The following ZNF740 variants were observed in gnomAD, a reference collection of about 807,000 sequenced individuals.
ZNF740 encodes the protein oriLyt TD-element-binding protein 7.
ZNF740 carries 14 observed loss-of-function variants against 24.8 expected under a neutral mutation model. The observed-to-expected ratio is 0.56, with a 90% CI of 0.37 to 0.88. ZNF740 has a LOEUF of 0.88. Ranked by LOEUF, ZNF740 falls within the 40% of genes least tolerant of loss-of-function variation. The probability of loss-of-function intolerance (pLI) is 0.00; values close to 1 mark genes in which losing one functional copy is unlikely to be tolerated. For synonymous variants in ZNF740, 69 were observed against 84.0 expected (o/e 0.82, Z 0.98); for missense variants, 201 against 247.9 (o/e 0.81, Z 1.27).
chr12:53,183,018 A>G (rs1221497269), intron 2 of ZNF740, among the ~76,000 whole-genome samples: 1 of 152,208 alleles, frequency 6.6e-6, no homozygotes, highest in Non-Finnish European at 1.5e-5. Flanking sequence ...CCTCCCTACC[A>G]GTCTCACCAG....
Position 53,192,018 on chromosome 12 carries a change from C to G in ZNF740, c.*4428C>G. ...CAATGGCCTGCGTGTGGTCTGCTCC[C>G]TCTGTGAACAAGAAACCAGACACAC... On this transcript the variant is annotated 3_prime_UTR_variant, in exon 7 of 7. Coordinates refer to ENST00000416904, the MANE Select transcript of ZNF740 (RefSeq NM_001004304.4). 2 of 1,610,492 alleles carry G rather than the reference C, an allele frequency of 1.2e-6. No individual in the cohort carries two copies. Among genetic ancestry groups the G allele is most frequent in the Non-Finnish European group, 1.7e-6 (2 of 1,178,084 alleles).
At position 53,186,555 on chromosome 12, in the gene ZNF740, C is replaced by T. The variant is rs779789518; in HGVS notation, c.492+46C>T. 5 of 1,483,854 alleles carry T rather than the reference C, an allele frequency of 3.4e-6. No homozygotes were observed. In the African/African-American group the frequency reaches 5.6e-5, roughly 17 times the overall value. 91.9% of individuals were successfully genotyped at this position (1,483,854 alleles called of 1,614,324 possible). ...AATACCCCACACACACTTTTCCTTCCCCAAGAATCAGGGCCACCCTCCACT... is the reference window on the plus strand; with the variant it reads ...AATACCCCACACACACTTTTCCTTCTCCAAGAATCAGGGCCACCCTCCACT... On this transcript the variant is annotated intron_variant, in intron 6 of 6. Transcript: ENST00000416904.
At chr12:53,182,835 C>T (rs1169775442) in intron 2 of ZNF740, among the ~76,000 whole-genome samples, 8 of 152,092 alleles carry the variant, frequency 5.3e-5, no homozygotes, top group East Asian at 1.9e-4. Flanking sequence ...TTTTATGCCT[C>T]GCTAAGTTAA....
intron 4 of ZNF740, 48 bp downstream of exon 4, chr12:53,185,524 T>G: frequency 6.5e-7 from 1 of 1,542,738 alleles, no homozygotes; most frequent in Non-Finnish European, 8.9e-7. Context: ...GGTAATGGGG[T>G]AATATTCCTC....
rs1193718647 is a variant in ZNF740 at position 53,191,853 on chromosome 12, C to T, written c.*4263C>T. ...AAAAAGGGGCCTAACCAGGAAGTCT[C>T]CTCACCTGCTTCCAGTTGAGTTGTT... On this transcript the variant is annotated 3_prime_UTR_variant, in exon 7 of 7. Transcript: ENST00000416904. 1.9e-6 allele frequency: 3 copies of T among 1,613,434 alleles called. No homozygotes were observed. The highest frequency in any genetic ancestry group is 2.5e-6 in the Non-Finnish European group (3 of 1,179,942).
At chr12:53,181,081 G>A in intron 1 of ZNF740, 1 of 855,474 alleles carries the variant, frequency 1.2e-6, no homozygotes. Context: ...GCGCGAGCAC[G>A]CATCTCGCGC....
At position 53,194,388 on chromosome 12, in the gene ZNF740, G is replaced by C; in HGVS notation, c.*6798G>C. 6.2e-7 allele frequency: 1 copy of C among 1,601,592 alleles called. No homozygotes were observed. Among genetic ancestry groups the C allele is most frequent in the Non-Finnish European group, 8.5e-7 (1 of 1,171,758 alleles). On this transcript the variant is annotated 3_prime_UTR_variant, in exon 7 of 7. Transcript: ENST00000416904. ...TGGATAACCACGTGAAGGCAGAAAA[G>C]GACTCCAACCCCACCTTATGTCCTC...
intron 4 of ZNF740, 114 bp from the exon 5 acceptor site, chr12:53,185,840 G>T: frequency 7.1e-7 from 1 of 1,403,008 alleles, no homozygotes; most frequent in South Asian, 1.4e-5. Flanking sequence ...AGCACCTTTA[G>T]ACAGCATCAG....
Position 53,193,438 on chromosome 12 carries a change from C to A in ZNF740, c.*5848C>A. 8.9e-7 allele frequency: 1 copy of A among 1,127,562 alleles called. No homozygotes were observed. The highest frequency in any genetic ancestry group is 1.6e-5 in the South Asian group (1 of 60,708). The allele number at this position is 1,127,562 out of a possible 1,614,324, so 69.8% of individuals were successfully genotyped here. A position where few individuals can be genotyped will look rare whatever the true frequency, so the allele number is the denominator to read the frequency against. On this transcript the variant is annotated 3_prime_UTR_variant, in exon 7 of 7. Transcript: ENST00000416904. The stretch of plus-strand genomic sequence containing the variant: ...CCTGACTTGTCTCTCCCAGGAACCT[C>A]TAAACCCAAGTTCTCAAAAGAGTTG...
chr12:53,181,574 G>A, intron 1 of ZNF740, 103 bp from the exon 2 acceptor site: 1 of 907,418 alleles, frequency 1.1e-6, no homozygotes, highest in Non-Finnish European at 1.3e-6. Flanking sequence ...TCCTCGTTCT[G>A]AGCTTCACAG....
chr12:53,181,444 C>T (rs1246745906), intron 1 of ZNF740: 4 of 985,342 alleles, frequency 4.1e-6, no homozygotes, highest in Non-Finnish European at 4.8e-6. Context: ...AGCAACTTTC[C>T]TTTTGGCAGA....
In ZNF740 at chr12:53,192,203, C is replaced by T; in HGVS notation, c.*4613C>T. On this transcript the variant is annotated 3_prime_UTR_variant, in exon 7 of 7. Coordinates refer to ENST00000416904, the MANE Select transcript of ZNF740 (RefSeq NM_001004304.4). ...TCGTCCACTTGCTCAATTGCCTCTG[C>T]CTTTGTCCTGGATTCACAGTTCTGC... 1 of 1,239,396 alleles carries T rather than the reference C, an allele frequency of 8.1e-7. No homozygotes were observed. Among genetic ancestry groups the T allele is most frequent in the Non-Finnish European group, 1.1e-6 (1 of 879,454 alleles). 76.8% of individuals were successfully genotyped at this position (1,239,396 alleles called of 1,614,324 possible).
chr12:53,192,397 CT>C lies in ZNF740; in HGVS notation c.*4808del. The C allele has an allele frequency of 6.2e-7, 1 of 1,614,152 alleles. No homozygotes were observed. Among genetic ancestry groups the C allele is most frequent in the East Asian group, 2.2e-5 (1 of 44,884 alleles). ...CATCCTCCACCAAGAAGAAGAACAGCTGGTTGTCCAGGGTCCGCTCTTTGCA... is the reference window on the plus strand; with the variant it reads ...CATCCTCCACCAAGAAGAAGAACAGCGGTTGTCCAGGGTCCGCTCTTTGCA... On this transcript the variant is annotated 3_prime_UTR_variant, in exon 7 of 7. Transcript: ENST00000416904.
In ZNF740 at chr12:53,187,662, G is replaced by T; in HGVS notation, c.*72G>T. The T allele has an allele frequency of 1.6e-6, 2 of 1,245,104 alleles. No homozygotes were observed. The highest frequency in any genetic ancestry group is 2.3e-6 in the Non-Finnish European group (2 of 857,876). The allele number at this position is 1,245,104 out of a possible 1,614,324, so 77.1% of individuals were successfully genotyped here. A position where few individuals can be genotyped will look rare whatever the true frequency, so the allele number is the denominator to read the frequency against. Reference sequence around the variant, plus strand: ...AGAGCACACCCCCTCTGGTCTGATGGTCCCACCACCGCCCCATGTGAACCT... The same window carrying T: ...AGAGCACACCCCCTCTGGTCTGATGTTCCCACCACCGCCCCATGTGAACCT... On this transcript the variant is annotated 3_prime_UTR_variant, in exon 7 of 7. Transcript: ENST00000416904.
chr12:53,187,167 G>A (rs1281369488), intron 6 of ZNF740, among the ~76,000 whole-genome samples: 1 of 152,238 alleles, frequency 6.6e-6, no homozygotes, highest in East Asian at 1.9e-4. Flanking sequence ...TATCTGCCTT[G>A]AGATAGATAC....
chr12:53,188,995 C>T lies in ZNF740; in HGVS notation c.*1405C>T, dbSNP rs11574547. 0.017 allele frequency: 2,579 copies of T among 152,218 alleles called. 31 individuals carry two copies. Among genetic ancestry groups the T allele is most frequent in the Non-Finnish European group, 0.021 (1,443 of 68,026 alleles). 9.4% of individuals were successfully genotyped at this position (152,218 alleles called of 1,614,324 possible). A position where few individuals can be genotyped will look rare whatever the true frequency, so the allele number is the denominator to read the frequency against. On this transcript the variant is annotated 3_prime_UTR_variant, in exon 7 of 7. Transcript: ENST00000416904. ...AGCCAAACCCTTCTCTGGCCCTCACCTTCAGGGAGGATGAGTGGAAAATAG... is the reference window on the plus strand; with the variant it reads ...AGCCAAACCCTTCTCTGGCCCTCACTTTCAGGGAGGATGAGTGGAAAATAG...
chr12:53,183,099 A>G (rs573475018), intron 2 of ZNF740, among the ~76,000 whole-genome samples: 1 of 152,300 alleles, frequency 6.6e-6, no homozygotes, highest in African/African-American at 2.4e-5. Flanking sequence ...CCTCCTTTCC[A>G]TATAGAATAG....
chr12:53,191,541 G>T lies in ZNF740; in HGVS notation c.*3951G>T. On this transcript the variant is annotated 3_prime_UTR_variant, in exon 7 of 7. Coordinates refer to ENST00000416904, the MANE Select transcript of ZNF740 (RefSeq NM_001004304.4). ...CTCCAAGGAGAAGAGCCTTGGGTAA[G>T]TGTCCCTCCCTCCTTCAGAGAGTGG... 6.3e-7 allele frequency: 1 copy of T among 1,594,092 alleles called. No homozygotes were observed. The highest frequency in any genetic ancestry group is 8.6e-7 in the Non-Finnish European group (1 of 1,161,784).
chr12:53,187,116 C>T (rs938002279), intron 6 of ZNF740, among the ~76,000 whole-genome samples: 2 of 152,202 alleles, frequency 1.3e-5, no homozygotes, highest in Non-Finnish European at 2.9e-5. Flanking sequence ...AATAAAAGCT[C>T]CATGAGGGCA....
Sources: gnomAD v4.1 joint callset for allele counts (sites outside exome capture counted in the v4.1 genomes callset) on GRCh38, gnomAD v4.1.1 for gene constraint, MANE v1.5 for transcripts, NCBI Gene and HGNC (gene_info 2026-07-23, HGNC 2026-07-21) for gene names.